Variants in XRCC4 observed in about 807,000 individuals in gnomAD.
XRCC4 encodes X-ray repair cross complementing 4, also known as DNA repair protein XRCC4.
Under a neutral mutation model 39.1 loss-of-function variants are expected in XRCC4, and 28 were observed. The observed-to-expected ratio is 0.72, with a 90% CI of 0.53 to 0.98. The LOEUF (loss-of-function observed/expected upper bound fraction) is 0.98, where lower values mean the gene tolerates loss of function less well. XRCC4 is among the 50% of genes least tolerant of loss of function. The pLI, the probability that XRCC4 is intolerant of heterozygous loss-of-function variation, is 0.00. For synonymous variants in XRCC4, 123 were observed against 126.4 expected, an observed-to-expected ratio of 0.97 and a Z score of 0.18; for missense variants, 350 against 376.4, an observed-to-expected ratio of 0.93 and a Z score of 0.58.
intron 1 of XRCC4, among the ~76,000 whole-genome samples, chr5:83,087,566 G>C (rs1481280005): frequency 6.6e-6 from 1 of 152,056 alleles, no homozygotes; most frequent in African/African-American, 2.4e-5. Context: ...AGTAGGCTGA[G>C]GCAGGGGAAT....
chr5:83,348,946 CAGTTCCCAAT>C (rs574230253), intron 7 of XRCC4, among the ~76,000 whole-genome samples: 130 of 152,224 alleles, frequency 8.5e-4, no homozygotes, highest in African/African-American at 3.1e-3. Context: ...ACCTCTACTC[CAGTTCCCAAT>C]AACTTCCTTA....
intron 3 of XRCC4, among the ~76,000 whole-genome samples, chr5:83,154,067 G>A (rs1436032446): frequency 6.6e-6 from 1 of 152,194 alleles, no homozygotes; most frequent in Non-Finnish European, 1.5e-5. Flanking sequence ...TAAGGAAAGT[G>A]TTGGCCACCA....
At chr5:83,338,586 A>T (rs1023614497) in intron 7 of XRCC4, among the ~76,000 whole-genome samples, 1 of 152,190 alleles carries the variant, frequency 6.6e-6, no homozygotes, top group Non-Finnish European at 1.5e-5. Flanking sequence ...TTATTTTTTA[A>T]ACTCATTTTT....
chr5:83,217,288 C>A (rs1204499371), intron 6 of XRCC4, among the ~76,000 whole-genome samples: 1 of 142,060 alleles, frequency 7.0e-6, no homozygotes, highest in Non-Finnish European at 1.5e-5. Flanking sequence ...ACCTGGGAGG[C>A]AGAGGTTGCA....
intron 7 of XRCC4, among the ~76,000 whole-genome samples, chr5:83,275,570 C>T (rs1167666121): frequency 6.6e-6 from 1 of 152,134 alleles, no homozygotes; most frequent in African/African-American, 2.4e-5. Context: ...GCTGGGATTA[C>T]AGGCGTGAGC....
At chr5:83,237,489 CAT>C (rs1360630884) in intron 6 of XRCC4, among the ~76,000 whole-genome samples, 1 of 151,700 alleles carries the variant, frequency 6.6e-6, no homozygotes, top group Non-Finnish European at 1.5e-5. Context: ...TGTTCTCATT[CAT>C]ATGTGGGAGC....
At chr5:83,153,280 C>T (rs1053000872) in intron 3 of XRCC4, among the ~76,000 whole-genome samples, 4 of 151,038 alleles carry the variant, frequency 2.6e-5, no homozygotes, top group African/African-American at 9.8e-5. Flanking sequence ...ATGATCATGG[C>T]TCACTGCAAC....
At chr5:83,135,973 G>A (rs1052559183) in intron 3 of XRCC4, among the ~76,000 whole-genome samples, 1 of 151,824 alleles carries the variant, frequency 6.6e-6, no homozygotes, top group Admixed American at 6.6e-5. Context: ...CTTTTTATTT[G>A]GTACAGTATA....
chr5:83,276,260 C>T (rs1357592922), intron 7 of XRCC4, among the ~76,000 whole-genome samples: 1 of 152,066 alleles, frequency 6.6e-6, no homozygotes, highest in Non-Finnish European at 1.5e-5. Context: ...AGAAAGTGCT[C>T]TGAGCATTTC....
chr5:83,144,704 CCTT>C (rs1748367937), intron 3 of XRCC4, among the ~76,000 whole-genome samples: 1 of 151,942 alleles, frequency 6.6e-6, no homozygotes, highest in Admixed American at 6.6e-5. Flanking sequence ...CTTTAAAAAT[CCTT>C]CTGCTGTTTG....
chr5:83,371,198 A>G, the XRCC4 span, among the ~76,000 whole-genome samples: 15 of 152,108 alleles, frequency 9.9e-5, no homozygotes, highest in African/African-American at 3.6e-4. Flanking sequence ...TATTTGTTTT[A>G]CAAGTCTTGG....
At chr5:83,258,472 A>T (rs1753631330) in intron 6 of XRCC4, 58 bp from the exon 7 acceptor site, 1 of 1,568,614 alleles carries the variant, frequency 6.4e-7, no homozygotes. Context: ...GCAAGTTAAT[A>T]CTTACAAATG....
chr5:83,296,136 G>A (rs1005788619), intron 7 of XRCC4, among the ~76,000 whole-genome samples: 3 of 152,158 alleles, frequency 2.0e-5, no homozygotes, highest in Non-Finnish European at 2.9e-5. Flanking sequence ...CACAACCAGA[G>A]ATATTTAACA....
At chr5:83,087,596 G>A (rs1745239938) in intron 1 of XRCC4, among the ~76,000 whole-genome samples, 1 of 152,102 alleles carries the variant, frequency 6.6e-6, no homozygotes, top group Non-Finnish European at 1.5e-5. Context: ...CTGAGAGGTA[G>A]AGGTTGCAGT....
At chr5:83,351,037 G>A (rs1375230042) in intron 7 of XRCC4, among the ~76,000 whole-genome samples, 2 of 152,128 alleles carry the variant, frequency 1.3e-5, no homozygotes, top group African/African-American at 2.4e-5. Flanking sequence ...GGGGCCTGGT[G>A]GGAGGTTATT....
chr5:83,327,374 C>T (rs1756297687), intron 7 of XRCC4, among the ~76,000 whole-genome samples: 2 of 151,942 alleles, frequency 1.3e-5, no homozygotes, highest in East Asian at 3.9e-4. Flanking sequence ...CAGTATGTAT[C>T]ATTGCTTTTT....
the XRCC4 span, among the ~76,000 whole-genome samples, chr5:83,359,383 G>A: frequency 3.9e-4 from 60 of 152,262 alleles, no homozygotes; most frequent in Non-Finnish European, 6.9e-4. Flanking sequence ...ATCAGGGGAA[G>A]AAATGTTCTG....
chr5:83,261,132 G>A (rs966320212), intron 7 of XRCC4, among the ~76,000 whole-genome samples: 3 of 151,318 alleles, frequency 2.0e-5, no homozygotes, highest in Admixed American at 2.0e-4. Flanking sequence ...TTAAATACTA[G>A]TTGTACTTTC....
chr5:83,237,893 C>G (rs946192400), intron 6 of XRCC4, among the ~76,000 whole-genome samples: 1 of 151,744 alleles, frequency 6.6e-6, no homozygotes, highest in Non-Finnish European at 1.5e-5. Flanking sequence ...AATTTTTAAA[C>G]TACCTATATT....
Sources: allele counts gnomAD v4.1 joint callset (sites outside exome capture counted in the v4.1 genomes callset), GRCh38; gene constraint gnomAD v4.1.1; transcripts MANE v1.5; gene names NCBI Gene and HGNC (gene_info 2026-07-23, HGNC 2026-07-21).